The following SYT14 variants were observed in gnomAD, a reference collection of about 807,000 sequenced individuals.
SYT14 encodes the protein synaptotagmin-14.
Under a neutral mutation model 74.2 loss-of-function variants are expected in SYT14, and 32 were observed. That is an observed-to-expected ratio of 0.43 (90% CI 0.33 to 0.58). The LOEUF (loss-of-function observed/expected upper bound fraction) is 0.58, where lower values mean the gene tolerates loss of function less well. Ranked by LOEUF, SYT14 falls within the 20% of genes least tolerant of loss-of-function variation. The pLI is 0.05. For missense variants in SYT14, 791 were observed against 981.8 expected, an observed-to-expected ratio of 0.81 and a Z score of 2.60; for synonymous variants, 298 against 337.7, an observed-to-expected ratio of 0.88 and a Z score of 1.29.
intron 2 of SYT14, among the ~76,000 whole-genome samples, chr1:209,981,455 T>C (rs575367480): frequency 7.9e-4 from 110 of 140,002 alleles, no homozygotes; most frequent in African/African-American, 8.3e-4. Context: ...CTTTTCTTTT[T>C]TTTTTTTTTT....
At chr1:209,971,020 A>G (rs886155122) in intron 2 of SYT14, among the ~76,000 whole-genome samples, 1 of 152,016 alleles carries the variant, frequency 6.6e-6, no homozygotes, top group African/African-American at 2.4e-5. Context: ...CCAATCCATG[A>G]GCATGGAATG....
intron 7 of SYT14, among the ~76,000 whole-genome samples, chr1:210,154,690 A>G (rs920246467): frequency 6.6e-6 from 1 of 152,144 alleles, no homozygotes; most frequent in Non-Finnish European, 1.5e-5. Flanking sequence ...CCTATGGGTT[A>G]CTAAAAGTAT....
At chr1:209,990,744 T>A (rs1421599492) in intron 2 of SYT14, among the ~76,000 whole-genome samples, 1 of 113,590 alleles carries the variant, frequency 8.8e-6, no homozygotes, top group East Asian at 2.5e-4. Context: ...TACACTTATA[T>A]ATATACCCAT....
chr1:210,131,820 C>T (rs1271605450), intron 7 of SYT14, among the ~76,000 whole-genome samples: 6 of 152,130 alleles, frequency 3.9e-5, no homozygotes, highest in Non-Finnish European at 8.8e-5. Flanking sequence ...TAAACATATT[C>T]ATTCCCAAAC....
At position 210,016,009 on chromosome 1, in the gene SYT14, A is replaced by AT. The variant is rs1404479829; in HGVS notation, c.11dup (p.Arg5GlnfsTer19). The AT allele has an allele frequency of 8.1e-7, 1 of 1,232,052 alleles. No homozygotes were observed. Among genetic ancestry groups the AT allele is most frequent in the African/African-American group, 1.5e-5 (1 of 64,536 alleles). The allele number at this position is 1,232,052 out of a possible 1,614,324, so 76.3% of individuals were successfully genotyped here. On this transcript the variant is annotated frameshift_variant, in exon 4 of 10. Coordinates refer to ENST00000637265, the Ensembl canonical transcript of SYT14. LOFTEE classifies it high-confidence loss of function. ...TAGGAACAAGGAATTAGAAAATGGC[A>AT]TTTTTCAGAAATTTCCAACAGAATC... is the stretch of plus-strand genomic sequence containing the variant.
chr1:210,039,596 C>T lies in SYT14; in HGVS notation c.1312+18342C>T, dbSNP rs113417794. On this transcript the variant is annotated intron_variant, in intron 5 of 9. Transcript: ENST00000637265. ...AGAAACTGTCATCAGAGTGAACAGG[C>T]ACCCTACAGGATGGGAGAAAATTTT... Among the ~76,000 whole-genome samples the T allele has an allele frequency of 6.6e-3, 1,000 of 152,268 alleles. 14 individuals are homozygous for T. The highest frequency in any genetic ancestry group is 0.023 in the African/African-American group (952 of 41,540).
At chr1:210,018,879 T>A (rs1000378787) in intron 4 of SYT14, among the ~76,000 whole-genome samples, 4 of 152,090 alleles carry the variant, frequency 2.6e-5, no homozygotes, top group African/African-American at 9.7e-5. Context: ...GGCTCACGCC[T>A]GTAATCCCAG....
chr1:209,996,733 C>G (rs1384540061), intron 2 of SYT14, among the ~76,000 whole-genome samples: 1 of 152,144 alleles, frequency 6.6e-6, no homozygotes, highest in Non-Finnish European at 1.5e-5. Context: ...ACTAGCAAAT[C>G]TAATTCAGCA....
At chr1:209,995,118 G>A (rs1364597116) in intron 2 of SYT14, among the ~76,000 whole-genome samples, 5 of 152,138 alleles carry the variant, frequency 3.3e-5, no homozygotes, top group Non-Finnish European at 4.4e-5. Context: ...ACAAGATGAT[G>A]ACAAGATGAA....
chr1:209,993,651 G>C (rs1300283709), intron 2 of SYT14, among the ~76,000 whole-genome samples: 3 of 152,132 alleles, frequency 2.0e-5, no homozygotes. Context: ...CTCTGCCTGG[G>C]GGGCCTGGCA....
chr1:210,112,222 G>A (rs1461007759), intron 7 of SYT14, among the ~76,000 whole-genome samples: 3 of 151,278 alleles, frequency 2.0e-5, no homozygotes, highest in Non-Finnish European at 4.4e-5. Context: ...TGTGAGTTAA[G>A]TCAATTTGCC....
chr1:210,020,873 A>G (rs916582443), intron 4 of SYT14, among the ~76,000 whole-genome samples, 166 bp from the exon 4 acceptor site: 7 of 143,990 alleles, frequency 4.9e-5, no homozygotes, highest in South Asian at 2.1e-4. Flanking sequence ...GTGTGTGTGT[A>G]TATATGTGTG....
intron 4 of SYT14, among the ~76,000 whole-genome samples, 180 bp from the exon 4 acceptor site, chr1:210,020,855 ATATG>A (rs949700183): frequency 7.0e-6 from 1 of 142,792 alleles, no homozygotes; most frequent in African/African-American, 3.1e-5. Context: ...TGTATAATAT[ATATG>A]TGTGTGTGTG....
chr1:210,163,595 G>A (rs887059447), exon 10 of SYT14: 4 of 453,190 alleles, frequency 8.8e-6, no homozygotes, highest in Non-Finnish European at 1.8e-5. Context: ...TCTCCTCTAT[G>A]TATTTACTAG....
At chr1:210,000,734 C>T (rs1476283665) in intron 2 of SYT14, among the ~76,000 whole-genome samples, 1 of 150,970 alleles carries the variant, frequency 6.6e-6, no homozygotes, top group Non-Finnish European at 1.5e-5. Context: ...CTGCCTCAGC[C>T]TCCCTAGTAG....
At chr1:210,119,057 G>A (rs959599272) in intron 7 of SYT14, among the ~76,000 whole-genome samples, 1 of 152,062 alleles carries the variant, frequency 6.6e-6, no homozygotes, top group Non-Finnish European at 1.5e-5. Flanking sequence ...TTTGAAAAAT[G>A]TTTAATACTA....
intron 2 of SYT14, among the ~76,000 whole-genome samples, chr1:209,994,637 G>C (rs183298527): frequency 6.6e-6 from 1 of 152,152 alleles, no homozygotes; most frequent in East Asian, 1.9e-4. Flanking sequence ...TAAATACAGA[G>C]AACACCAGCT....
At chr1:210,045,406 T>C (rs2080866341) in intron 5 of SYT14, among the ~76,000 whole-genome samples, 1 of 152,234 alleles carries the variant, frequency 6.6e-6, no homozygotes. Flanking sequence ...ATTAACACAC[T>C]TAAAAATTTA....
At chr1:210,088,098 T>C (rs186044083) in intron 5 of SYT14, among the ~76,000 whole-genome samples, 1 of 152,320 alleles carries the variant, frequency 6.6e-6, no homozygotes, top group East Asian at 1.9e-4. Context: ...CTTTCTGTTA[T>C]ATGCTTGGTT....
Sources: gnomAD v4.1 joint callset for allele counts (sites outside exome capture counted in the v4.1 genomes callset) on GRCh38, gnomAD v4.1.1 for gene constraint, MANE v1.5 for transcripts, NCBI Gene and HGNC (gene_info 2026-07-23, HGNC 2026-07-21) for gene names.